GRB10: variants seen among roughly 807,000 people sequenced by gnomAD.
GRB10 encodes growth factor receptor bound protein 10.
In GRB10, 20 loss-of-function variants were observed where a neutral mutation model predicts 80.9. The observed-to-expected ratio is 0.25, with a 90% confidence interval of 0.17 to 0.36. GRB10 has a LOEUF of 0.36. Among genes scored for constraint, GRB10 ranks in the 10% least tolerant of loss-of-function variants. GRB10 has a pLI of 1.00. For synonymous variants in GRB10, 291 were observed against 291.5 expected, an observed-to-expected ratio of 1.00 and a Z score of 0.02; for missense variants, 548 against 747.7, an observed-to-expected ratio of 0.73 and a Z score of 3.12.
chr7:50,629,470 G>A (rs530440049), intron 7 of GRB10, among the ~76,000 whole-genome samples: 3 of 152,230 alleles, frequency 2.0e-5, no homozygotes, highest in Non-Finnish European at 4.4e-5. Flanking sequence ...GACTGAGTCA[G>A]ACACAAAGGC....
chr7:50,722,658 G>T (rs1213488571), intron 4 of GRB10, among the ~76,000 whole-genome samples: 5 of 151,752 alleles, frequency 3.3e-5, no homozygotes, highest in African/African-American at 1.2e-4. Context: ...GATGATGGGG[G>T]ATGGACTATG....
chr7:50,713,686 ATT>A (rs1005214789), intron 4 of GRB10, among the ~76,000 whole-genome samples: 1 of 96,260 alleles, frequency 1.0e-5, no homozygotes, highest in Non-Finnish European at 2.1e-5. Context: ...CACCTCCTCC[ATT>A]GTCACCTCCA....
intron 7 of GRB10, among the ~76,000 whole-genome samples, chr7:50,629,250 T>C (rs191872636): frequency 4.7e-4 from 72 of 152,278 alleles, no homozygotes; most frequent in African/African-American, 1.6e-3. Flanking sequence ...GCCATGCCAA[T>C]GGTTTTCTCA....
chr7:50,643,785 ATATG>A (rs897251639), intron 7 of GRB10, among the ~76,000 whole-genome samples: 13 of 152,226 alleles, frequency 8.5e-5, no homozygotes, highest in African/African-American at 3.1e-4. Flanking sequence ...ATATGTGCAT[ATATG>A]TATCTCTATA....
At chr7:50,773,943 C>T (rs1225492614) in intron 2 of GRB10, among the ~76,000 whole-genome samples, 2 of 152,186 alleles carry the variant, frequency 1.3e-5, no homozygotes, top group African/African-American at 4.8e-5. Context: ...CTGCAAGCTC[C>T]GCCTCCCGGG....
At chr7:50,652,567 C>G (rs966249806) in intron 7 of GRB10, among the ~76,000 whole-genome samples, 3 of 152,072 alleles carry the variant, frequency 2.0e-5, no homozygotes, top group Admixed American at 2.0e-4. Flanking sequence ...TACAGCGTCA[C>G]CAGAGAAAGA....
At chr7:50,608,589 A>G (rs967495752) in intron 13 of GRB10, among the ~76,000 whole-genome samples, 1 of 152,216 alleles carries the variant, frequency 6.6e-6, no homozygotes, top group Non-Finnish European at 1.5e-5. Flanking sequence ...GGGACAATGG[A>G]GCAAATGGAG....
In GRB10 at chr7:50,605,304, C is replaced by T. The variant is rs1331062404; in HGVS notation, c.1375G>A (p.Gly459Ser). The part of the protein sequence containing the change: ...AEAQSAALEE[G>S]HAWRKRSTRM... ...CGGGGCCTTACCCTCCAGGCGTGGC[C>T]CTCCTCCAGGGCTGCGCTCTGGGCC... is the stretch of plus-strand genomic sequence containing the variant. Residue 459 changes from glycine to serine, a missense_variant, in exon 15 of 19, where the codon GGC (glycine) becomes AGC (serine). Physicochemically the swap from Gly to Ser is moderately conservative, Grantham distance 56. This residue lies in a region of GRB10 where 270 missense variants were observed against 433.6 expected (regional missense o/e 0.62). Coordinates refer to ENST00000401949, the MANE Select transcript of GRB10 (RefSeq NM_001350814.2). The T allele has an allele frequency of 1.2e-6, 2 of 1,613,674 alleles. No individual in the cohort carries two copies. Among genetic ancestry groups the T allele is most frequent in the Non-Finnish European group, 8.5e-7 (1 of 1,179,820 alleles).
chr7:50,621,020 G>C (rs1363739697), intron 8 of GRB10, among the ~76,000 whole-genome samples: 7 of 152,216 alleles, frequency 4.6e-5, no homozygotes, highest in Non-Finnish European at 1.0e-4. Flanking sequence ...GGAGGTGATA[G>C]CTACCTAAAT....
At chr7:50,659,960 C>T (rs904182919) in intron 7 of GRB10, among the ~76,000 whole-genome samples, 3 of 152,220 alleles carry the variant, frequency 2.0e-5, no homozygotes, top group Admixed American at 6.5e-5. Flanking sequence ...CAGCTAGAAG[C>T]TCGGGTCCTG....
intron 7 of GRB10, among the ~76,000 whole-genome samples, chr7:50,665,578 G>A (rs1377828282): frequency 6.6e-6 from 1 of 152,204 alleles, no homozygotes; most frequent in African/African-American, 2.4e-5. Flanking sequence ...ACTGCTCTCA[G>A]GGCTCCCCCT....
At chr7:50,743,136 G>C (rs528959441) in intron 3 of GRB10, among the ~76,000 whole-genome samples, 1 of 152,316 alleles carries the variant, frequency 6.6e-6, no homozygotes, top group African/African-American at 2.4e-5. Flanking sequence ...TGGGAGAAGG[G>C]GGAGAAGGGA....
chr7:50,604,434 C>A, intron 15 of GRB10, 57 bp from the exon 16 acceptor site: 1 of 1,403,786 alleles, frequency 7.1e-7, no homozygotes, highest in South Asian at 1.2e-5. Flanking sequence ...ACCAAGTCAC[C>A]CAATATGTCC....
chr7:50,594,365 C>T (rs559747733), intron 18 of GRB10, among the ~76,000 whole-genome samples: 7 of 152,224 alleles, frequency 4.6e-5, no homozygotes, highest in Non-Finnish European at 8.8e-5. Context: ...AGACACCCTC[C>T]TCATCCTGTA....
intron 7 of GRB10, among the ~76,000 whole-genome samples, chr7:50,638,578 A>G (rs960752724): frequency 6.6e-6 from 1 of 152,248 alleles, no homozygotes; most frequent in Admixed American, 6.5e-5. Flanking sequence ...TATTACTTAA[A>G]AGTCAACAAA....
intron 17 of GRB10, among the ~76,000 whole-genome samples, 157 bp downstream of exon 17, chr7:50,603,841 C>A (rs552165611): frequency 6.6e-6 from 1 of 152,222 alleles, no homozygotes; most frequent in Non-Finnish European, 1.5e-5. Context: ...GCAAGCCCTG[C>A]GTACCACTTA....
rs10658980 is a variant in GRB10, at chr7:50,692,289, T to TACAC, written c.139+11528_139+11531dup. On this transcript the variant is annotated intron_variant, in intron 5 of 18. Coordinates refer to ENST00000401949, the MANE Select transcript of GRB10 (RefSeq NM_001350814.2). ...CTGCAGATATCAAGGGACAACTGTG[T>TACAC]ACACACACACACACACACGCACACA... Among the ~76,000 whole-genome samples the TACAC allele has an allele frequency of 1.3e-4, 20 of 150,534 alleles. No individual in the cohort carries two copies. In the East Asian group the frequency reaches 1.7e-3, roughly 13 times the overall value.
intron 5 of GRB10, among the ~76,000 whole-genome samples, chr7:50,675,566 C>T (rs190249474): frequency 1.3e-5 from 2 of 152,310 alleles, no homozygotes; most frequent in African/African-American, 4.8e-5. Context: ...CACCTGAAGA[C>T]CTGAATAGAA....
chr7:50,788,460 C>T (rs1478163208), intron 1 of GRB10, among the ~76,000 whole-genome samples: 1 of 152,146 alleles, frequency 6.6e-6, no homozygotes, highest in Non-Finnish European at 1.5e-5. Context: ...AGTGAGACCC[C>T]TGACAGCTCA....
Sources: gnomAD v4.1 joint callset for allele counts (sites outside exome capture counted in the v4.1 genomes callset) on GRCh38, gnomAD v4.1.1 for gene constraint, gnomAD v4.1.1 regional missense constraint, MANE v1.5 for transcripts, NCBI Gene and HGNC (gene_info 2026-07-23, HGNC 2026-07-21) for gene names.